Variants in ANK3 observed in about 807,000 individuals in gnomAD.
ANK3 encodes the protein ankyrin 3.
In ANK3, 57 loss-of-function variants were observed where a neutral mutation model predicts 370.9. That is an observed-to-expected ratio of 0.15 (90% CI 0.12 to 0.19). ANK3 has a LOEUF of 0.19. ANK3 is among the 10% of genes least tolerant of loss of function. The pLI, the probability that ANK3 is intolerant of heterozygous loss-of-function variation, is 1.00. For missense variants in ANK3, 4,439 were observed against 5,302.1 expected (o/e 0.84, Z 5.06); for synonymous variants, 1,929 against 1,946.3 (o/e 0.99, Z 0.23).
At chr10:60,521,536 C>T (rs904604489) in intron 2 of ANK3, among the ~76,000 whole-genome samples, 2 of 151,948 alleles carry the variant, frequency 1.3e-5, no homozygotes, top group African/African-American at 4.8e-5. Flanking sequence ...CATGACAGGA[C>T]TGATAAAGTT....
chr10:60,179,056 G>T (rs2096065285), intron 18 of ANK3, among the ~76,000 whole-genome samples: 1 of 152,134 alleles, frequency 6.6e-6, no homozygotes, highest in Admixed American at 6.5e-5. Context: ...AATTATTTTT[G>T]CATGTAAGCC....
chr10:60,563,675 G>A (rs1453839694), intron 2 of ANK3, among the ~76,000 whole-genome samples: 1 of 152,006 alleles, frequency 6.6e-6, no homozygotes, highest in Admixed American at 6.5e-5. Flanking sequence ...AAGAAGTTAA[G>A]GAAAAAATTT....
intron 1 of ANK3, among the ~76,000 whole-genome samples, chr10:60,639,021 T>A (rs1244633971): frequency 1.3e-5 from 2 of 151,806 alleles, no homozygotes; most frequent in East Asian, 1.9e-4. Flanking sequence ...TTTTAGAAGT[T>A]CAACAAACCC....
chr10:60,081,444 A>G, intron 35 of ANK3: 1 of 410,692 alleles, frequency 2.4e-6, no homozygotes, highest in South Asian at 1.8e-5. Context: ...ATTTATTACT[A>G]TTGATGTGTG....
At position 60,368,702 on chromosome 10, in the gene ANK3, C is replaced by G. The variant is rs1033732265; in HGVS notation, c.114+20723G>C. 2.0e-5 allele frequency among the ~76,000 whole-genome samples: 3 copies of G among 152,162 alleles called. No homozygotes were observed. The East Asian group carries it at 5.8e-4, about 29-fold the overall frequency. ...CTCCTCCTTTAATAACAATTAGACA[C>G]AGAATGCTGTCATGTGTTTTAGAAG... On this transcript the variant is annotated intron_variant, in intron 1 of 43. Transcript: ENST00000280772.
At chr10:60,687,261 A>C (rs538108142) in intron 1 of ANK3, among the ~76,000 whole-genome samples, 20 of 152,336 alleles carry the variant, frequency 1.3e-4, no homozygotes, top group Admixed American at 3.9e-4. Context: ...ACTGCAACCT[A>C]GGGAATGAAA....
intron 1 of ANK3, among the ~76,000 whole-genome samples, chr10:60,696,272 C>A (rs2079447919): frequency 6.7e-6 from 1 of 149,646 alleles, no homozygotes; most frequent in African/African-American, 2.5e-5. Flanking sequence ...AGCTTACCAA[C>A]CAAAAAGAGT....
chr10:60,185,853 C>T (rs10159800), intron 17 of ANK3, among the ~76,000 whole-genome samples: 12 of 152,114 alleles, frequency 7.9e-5, no homozygotes, highest in African/African-American at 1.9e-4. Context: ...GGTTAATTGT[C>T]GGCTGAACTT....
At chr10:60,449,630 A>G (rs573141585) in intron 2 of ANK3, among the ~76,000 whole-genome samples, 17 of 152,194 alleles carry the variant, frequency 1.1e-4, no homozygotes, top group Non-Finnish European at 2.1e-4. Context: ...CACCTTTCTA[A>G]ACCTCAGTTA....
intron 1 of ANK3, among the ~76,000 whole-genome samples, chr10:60,687,562 C>T (rs2079287369): frequency 6.6e-6 from 1 of 151,048 alleles, no homozygotes; most frequent in African/African-American, 2.5e-5. Context: ...ACATGCACAA[C>T]AAGCATTGGT....
At chr10:60,240,064 T>TATAC (rs1216658869) in intron 7 of ANK3, among the ~76,000 whole-genome samples, 32 of 68,012 alleles carry the variant, frequency 4.7e-4, no homozygotes, top group South Asian at 1.5e-3. Context: ...TACACATATA[T>TATAC]ACATATATAT....
Position 60,529,628 on chromosome 10 carries a change from G to A in ANK3, c.96+85558C>T, listed in dbSNP as rs113973527. Among the ~76,000 whole-genome samples, 106 of 152,146 alleles carry A rather than the reference G, an allele frequency of 7.0e-4. 1 individual carries two copies. The highest frequency in any genetic ancestry group is 3.4e-3 in the Middle Eastern group (1 of 294). ...GTTTATTTATTCACATGCTCTGAAC[G>A]AAGATTTATTCTAAAAGAAAAGAAA... On this transcript the variant is annotated intron_variant, in intron 2 of 43. Transcript: ENST00000373827.
intron 2 of ANK3, among the ~76,000 whole-genome samples, chr10:60,499,640 T>G (rs2075747178): frequency 6.6e-6 from 1 of 152,142 alleles, no homozygotes; most frequent in Admixed American, 6.5e-5. Context: ...ATCTTCCCAT[T>G]CCATTCCTAT....
At chr10:60,321,321 A>G (rs934071157) in intron 1 of ANK3, among the ~76,000 whole-genome samples, 5 of 151,988 alleles carry the variant, frequency 3.3e-5, no homozygotes, top group African/African-American at 4.8e-5. Flanking sequence ...TTGGCCGCTC[A>G]AGGCTACACA....
chr10:60,386,126 ACAGCT>A (rs1260931809), intron 1 of ANK3, among the ~76,000 whole-genome samples: 3 of 151,968 alleles, frequency 2.0e-5, no homozygotes, highest in Non-Finnish European at 4.4e-5. Flanking sequence ...GGGGATATAA[ACAGCT>A]CTTCTCAGCT....
intron 27 of ANK3, among the ~76,000 whole-genome samples, chr10:60,107,527 A>T (rs932039551): frequency 2.6e-5 from 4 of 152,250 alleles, no homozygotes; most frequent in African/African-American, 4.8e-5. Context: ...AATCAAACAG[A>T]CAAGTGAACA....
intron 2 of ANK3, among the ~76,000 whole-genome samples, chr10:60,489,058 A>T (rs915945453): frequency 3.9e-5 from 6 of 152,188 alleles, no homozygotes; most frequent in African/African-American, 1.2e-4. Flanking sequence ...TTTTATTACA[A>T]GTGGTTACTT....
intron 7 of ANK3, among the ~76,000 whole-genome samples, chr10:60,260,203 T>A (rs2097784594): frequency 6.6e-6 from 1 of 152,226 alleles, no homozygotes. Context: ...ATCCTGCCTC[T>A]TCCAACCTGC....
chr10:60,684,693 G>A, intron 1 of ANK3: 4 of 1,587,834 alleles, frequency 2.5e-6, no homozygotes, highest in Non-Finnish European at 3.4e-6. Context: ...AGGTAAACTT[G>A]AGAAATTCTA....
Sources: allele counts gnomAD v4.1 joint callset (sites outside exome capture counted in the v4.1 genomes callset), GRCh38; gene constraint gnomAD v4.1.1; transcripts MANE v1.5; gene names NCBI Gene and HGNC (gene_info 2026-07-23, HGNC 2026-07-21).